Variants in PSMD7 observed in about 807,000 individuals in gnomAD.
The protein encoded by PSMD7 is 26S proteasome non-ATPase regulatory subunit 7.
In PSMD7, 13 loss-of-function variants were observed where a neutral mutation model predicts 36.4. That is an observed-to-expected ratio of 0.36 (90% confidence interval 0.23 to 0.57). The LOEUF (loss-of-function observed/expected upper bound fraction) is 0.57. Ranked by LOEUF, PSMD7 falls within the 20% of genes least tolerant of loss-of-function variation. PSMD7 has a pLI of 0.83. For missense variants in PSMD7, 298 were observed against 393.6 expected (o/e 0.76, Z 2.06); for synonymous variants, 186 against 151.0 (o/e 1.23, Z -1.70).
intron 4 of PSMD7, 54 bp from the exon 5 acceptor site, chr16:74,302,158 T>G (rs376781040): frequency 8.0e-6 from 11 of 1,380,670 alleles, no homozygotes; most frequent in Non-Finnish European, 1.1e-5. Flanking sequence ...TGCCTGAAAT[T>G]ACCCCTTTTG....
intron 5 of PSMD7, among the ~76,000 whole-genome samples, chr16:74,303,576 C>T (rs2034172604): frequency 1.3e-5 from 2 of 152,114 alleles, no homozygotes; most frequent in Non-Finnish European, 2.9e-5. Context: ...ATTCAGACCA[C>T]CAGAAAGCCA....
At chr16:74,300,772 C>A (rs2034149446) in intron 2 of PSMD7, among the ~76,000 whole-genome samples, 1 of 152,184 alleles carries the variant, frequency 6.6e-6, no homozygotes, top group South Asian at 2.1e-4. Flanking sequence ...AACTGGACTT[C>A]TAGAAAACTG....
In PSMD7 at chr16:74,305,571, C is replaced by T; in HGVS notation, c.813C>T (p.Ala271=). 2 of 1,607,956 alleles carry T rather than the reference C, an allele frequency of 1.2e-6. No homozygotes were observed. The highest frequency in any genetic ancestry group is 1.7e-6 in the Non-Finnish European group (2 of 1,174,808). ...CCTCGCTGATCCGTTCCGTGGTCGC[C>T]CTGCACAACCTCATCAACAACAAGA... is the stretch of plus-strand genomic sequence containing the variant. ...YLASLIRSVV[A]LHNLINNKIA... Residue 271 remains alanine (A), a synonymous_variant, in exon 7 of 7, where the codon GCC becomes GCT. Coordinates refer to ENST00000219313, the MANE Select transcript of PSMD7 (RefSeq NM_002811.5).
intron 5 of PSMD7, 52 bp from the exon 6 acceptor site, chr16:74,304,251 T>A: frequency 6.6e-7 from 1 of 1,517,400 alleles, no homozygotes; most frequent in Non-Finnish European, 9.2e-7. Context: ...AAGGAACACA[T>A]GTCAGTTCGT....
chr16:74,301,011 T>C (rs1597118532), intron 2 of PSMD7, 41 bp from the exon 3 acceptor site: 1 of 1,253,918 alleles, frequency 8.0e-7, no homozygotes, highest in Non-Finnish European at 1.2e-6. Context: ...GTTCTAGGTT[T>C]CTATCAAGCA....
At chr16:74,302,061 C>T in intron 4 of PSMD7, 151 bp from the exon 5 acceptor site, 1 of 666,564 alleles carries the variant, frequency 1.5e-6, no homozygotes, top group Non-Finnish European at 2.6e-6. Context: ...ATGATGAGAT[C>T]ATTTGAAGCA....
Position 74,300,225 on chromosome 16 carries a change from G to A in PSMD7, c.166+19G>A. 6.3e-7 allele frequency: 1 copy of A among 1,591,856 alleles called. No homozygotes were observed. The highest frequency in any genetic ancestry group is 1.3e-5 in the African/African-American group (1 of 74,506). On this transcript the variant is annotated intron_variant, in intron 2 of 6. Transcript: ENST00000219313. Reference sequence around the variant, plus strand: ...TTTGCAGGTAAAAGACAAATTTTATGTTTTTCCGAGCATGATTAAAATGTC... The same window carrying A: ...TTTGCAGGTAAAAGACAAATTTTATATTTTTCCGAGCATGATTAAAATGTC...
Position 74,305,948 on chromosome 16 carries a change from G to T in PSMD7, c.*215G>T. The T allele has an allele frequency of 2.5e-6, 1 of 406,272 alleles. No individual in the cohort carries two copies. Among genetic ancestry groups the T allele is most frequent in the Non-Finnish European group, 4.2e-6 (1 of 239,446 alleles). 25.2% of individuals were successfully genotyped at this position (406,272 alleles called of 1,614,324 possible). ...GCAGCTTTCGCTGCTGTGAGTTGGG[G>T]ATATGATAGTCAGCTCAGGCTTCAG... On this transcript the variant is annotated 3_prime_UTR_variant, in exon 7 of 7. Transcript: ENST00000219313.
At chr16:74,305,207 T>C in intron 6 of PSMD7, 82 bp from the exon 7 acceptor site, 1 of 1,448,268 alleles carries the variant, frequency 6.9e-7, no homozygotes, top group Non-Finnish European at 9.1e-7. Flanking sequence ...AAGCTAGGAA[T>C]TTTCTTAGAA....
At chr16:74,304,482 C>G in intron 6 of PSMD7, 88 bp downstream of exon 6, 3 of 1,222,014 alleles carry the variant, frequency 2.5e-6, no homozygotes, top group South Asian at 1.3e-5. Flanking sequence ...ATATGGAGAC[C>G]TGGGGTCTCG....
intron 6 of PSMD7, chr16:74,304,619 TTA>T (rs754815734): frequency 6.7e-5 from 29 of 432,844 alleles, no homozygotes; most frequent in Middle Eastern, 6.2e-4. Context: ...GAGTTACAAT[TTA>T]TGACTTTGTG....
intron 5 of PSMD7, 28 bp from the exon 6 acceptor site, chr16:74,304,275 A>T (rs76002863): frequency 0.01 from 16,759 of 1,596,300 alleles, 145 homozygotes; most frequent in African/African-American, 0.046. Flanking sequence ...TGGAAAATAA[A>T]TAATTATAGT....
chr16:74,304,206 T>A, intron 5 of PSMD7, 97 bp from the exon 6 acceptor site: 2 of 1,063,332 alleles, frequency 1.9e-6, no homozygotes, highest in African/African-American at 1.6e-5. Flanking sequence ...ACTCATTAAA[T>A]GAGCTGACTT....
chr16:74,305,541 C>T lies in PSMD7; in HGVS notation c.783C>T (p.Tyr261=). Reference sequence around the variant, plus strand: ...CCAATGACCAGATGGTGGTAGTGTACTTGGCCTCGCTGATCCGTTCCGTGG... The same window carrying T: ...CCAATGACCAGATGGTGGTAGTGTATTTGGCCTCGCTGATCCGTTCCGTGG... The part of the protein sequence containing the change: ...LKTNDQMVVV[Y]LASLIRSVVA... Residue 261 remains tyrosine, a synonymous_variant, in exon 7 of 7, where the codon TAC becomes TAT. Transcript: ENST00000219313. The T allele has an allele frequency of 6.2e-7, 1 of 1,614,062 alleles. No homozygotes were observed. The highest frequency in any genetic ancestry group is 8.5e-7 in the Non-Finnish European group (1 of 1,179,962).
rs75614540 is a variant in PSMD7 at position 74,298,156 on chromosome 16, C to CAAAA, written c.74+1185_74+1188dup. Among the ~76,000 whole-genome samples, 22 of 72,764 alleles carry CAAAA rather than the reference C, an allele frequency of 3.0e-4. No homozygotes were observed. The South Asian group carries it at 7.8e-3, about 26-fold the overall frequency. 47.7% of individuals were successfully genotyped at this position (72,764 alleles called of 152,430 possible). ...CTGGGTGAGAGTGAGACCCTGTCTC[C>CAAAA]AAAAAAAAAAAAAAAAAAAAGACCA... On this transcript the variant is annotated intron_variant, in intron 1 of 6. Transcript: ENST00000219313.
rs763254930 is a variant in PSMD7 at position 74,296,938 on chromosome 16, G to T, written c.24G>T (p.Lys8Asn). Reference protein sequence around the residue: MPELAVQKVVVHPLVLLS... With the variant: MPELAVQNVVVHPLVLLS... ...CGATGCCGGAGCTGGCAGTGCAGAA[G>T]GTGGTGGTCCACCCCCTGGTGCTGC... Residue 8 changes from lysine to asparagine, a missense_variant, in exon 1 of 7, where the codon AAG (lysine) becomes AAT (asparagine). Physicochemically the swap from Lys to Asn is moderately conservative, Grantham distance 94 (BLOSUM62 0). Coordinates refer to ENST00000219313, the MANE Select transcript of PSMD7 (RefSeq NM_002811.5). 3 of 1,613,522 alleles carry T rather than the reference G, an allele frequency of 1.9e-6. No homozygotes were observed. The East Asian group carries it at 6.7e-5, about 36-fold the overall frequency.
intron 5 of PSMD7, 60 bp from the exon 6 acceptor site, chr16:74,304,242 AG>A (rs780352745): frequency 3.4e-5 from 51 of 1,483,774 alleles, no homozygotes; most frequent in Non-Finnish European, 4.7e-5. Flanking sequence ...GGGTGCGAAA[AG>A]GAACACATGT....
chr16:74,301,029 C>T, intron 2 of PSMD7, 23 bp from the exon 3 acceptor site: 1 of 1,542,240 alleles, frequency 6.5e-7, no homozygotes, highest in South Asian at 1.1e-5. Flanking sequence ...GCACCCTAAA[C>T]TAACTTTTTT....
In PSMD7 at chr16:74,305,553, G is replaced by C. The variant is rs772946971; in HGVS notation, c.795G>C (p.Leu265=). 1.2e-6 allele frequency: 2 copies of C among 1,613,644 alleles called. No homozygotes were observed. The part of the protein sequence containing the change: ...DQMVVVYLAS[L]IRSVVALHNL... ...TGGTGGTAGTGTACTTGGCCTCGCT[G>C]ATCCGTTCCGTGGTCGCCCTGCACA... The change falls in exon 7 of 7, where the codon CTG becomes CTC. Residue 265 remains leucine (L), a synonymous_variant. Coordinates refer to ENST00000219313, the MANE Select transcript of PSMD7 (RefSeq NM_002811.5).
Sources: allele counts gnomAD v4.1 joint callset (sites outside exome capture counted in the v4.1 genomes callset), GRCh38; gene constraint gnomAD v4.1.1; transcripts MANE v1.5; gene names NCBI Gene and HGNC (gene_info 2026-07-23, HGNC 2026-07-21).